Variants in EGFR observed in about 807,000 individuals in gnomAD.
EGFR encodes the protein epidermal growth factor receptor, also known as avian erythroblastic leukemia viral (v-erb-b) oncogene homolog.
In EGFR, 58 loss-of-function variants were observed where a neutral mutation model predicts 143.0. The observed-to-expected ratio is 0.41, with a 90% CI of 0.33 to 0.50. The LOEUF is 0.50. Among genes scored for constraint, EGFR ranks in the 20% least tolerant of loss-of-function variants. The pLI is 0.39. For missense variants in EGFR, 1,307 were observed against 1,579.0 expected, an observed-to-expected ratio of 0.83 and a Z score of 2.92; for synonymous variants, 613 against 594.4, an observed-to-expected ratio of 1.03 and a Z score of -0.45.
chr7:55,139,668 G>T (rs1794347452), intron 1 of EGFR, among the ~76,000 whole-genome samples: 1 of 152,172 alleles, frequency 6.6e-6, no homozygotes, highest in Non-Finnish European at 1.5e-5. Flanking sequence ...GTATAGACAT[G>T]TTGGGTAATT....
rs368892932 is a variant in EGFR at position 55,205,438 on chromosome 7, G to T, written c.3454G>T (p.Asp1152Tyr). The T allele has an allele frequency of 1.2e-6, 2 of 1,614,062 alleles. No homozygotes were observed. Among genetic ancestry groups the T allele is most frequent in the Non-Finnish European group, 1.7e-6 (2 of 1,180,022 alleles). ...GCCCACCTGTGTCAACAGCACATTCGACAGCCCTGCCCACTGGGCCCAGAA... is the reference window on the plus strand; with the variant it reads ...GCCCACCTGTGTCAACAGCACATTCTACAGCCCTGCCCACTGGGCCCAGAA... ...VQPTCVNSTF[D>Y]SPAHWAQKGS... Residue 1152 changes from aspartate to tyrosine, a missense_variant, in exon 28 of 28, where the codon GAC becomes TAC. Asp to Tyr is a radical substitution (Grantham distance 160). Around this residue, in one of 7 missense-constraint regions of EGFR, gnomAD observed 313 missense variants for 312.3 expected, o/e 1.00. Coordinates refer to ENST00000275493, the MANE Select transcript of EGFR (RefSeq NM_005228.5).
chr7:55,023,665 A>AAC (rs1327342318), intron 1 of EGFR, among the ~76,000 whole-genome samples: 1 of 151,858 alleles, frequency 6.6e-6, no homozygotes, highest in African/African-American at 2.4e-5. Flanking sequence ...AAAAAAAAAA[A>AAC]AAAACAGATT....
intron 1 of EGFR, among the ~76,000 whole-genome samples, chr7:55,039,499 G>A (rs564119484): frequency 3.0e-4 from 45 of 152,124 alleles, no homozygotes; most frequent in Non-Finnish European, 5.4e-4. Flanking sequence ...GATGAGAAAA[G>A]GTGGTGAAAG....
rs1447176163 is a variant in EGFR, at chr7:55,152,633, G to C, written c.716G>C (p.Gly239Ala). The part of the protein sequence containing the change: ...SDCCHNQCAA[G>A]CTGPRESDCL... ...TGCTGCCACAACCAGTGTGCTGCAG[G>C]CTGCACAGGCCCCCGGGAGAGCGAC... Residue 239 changes from glycine (G) to alanine (A), a missense_variant, in exon 6 of 28, where the codon GGC becomes GCC. Transcript: ENST00000275493. 15 of 1,613,820 alleles carry C rather than the reference G, an allele frequency of 9.3e-6. No individual in the cohort carries two copies. In the East Asian group the frequency reaches 3.1e-4, roughly 34 times the overall value.
chr7:55,153,312 C>T (rs1785249771), intron 6 of EGFR, among the ~76,000 whole-genome samples: 1 of 152,258 alleles, frequency 6.6e-6, no homozygotes, highest in African/African-American at 2.4e-5. Flanking sequence ...CTGGAGGGTA[C>T]AGGTCAGAAG....
At chr7:55,025,000 G>A (rs1283783769) in intron 1 of EGFR, among the ~76,000 whole-genome samples, 1 of 152,206 alleles carries the variant, frequency 6.6e-6, no homozygotes, top group East Asian at 1.9e-4. Flanking sequence ...AGAATAGGAT[G>A]TGCAGGGCAT....
chr7:55,024,353 T>C (rs987737649), intron 1 of EGFR, among the ~76,000 whole-genome samples: 1 of 152,230 alleles, frequency 6.6e-6, no homozygotes, highest in Non-Finnish European at 1.5e-5. Context: ...TAGCAAGCAG[T>C]ATGGAAACAC....
intron 1 of EGFR, among the ~76,000 whole-genome samples, chr7:55,076,370 C>T (rs1046150121): frequency 6.6e-6 from 1 of 152,102 alleles, no homozygotes; most frequent in Non-Finnish European, 1.5e-5. Flanking sequence ...GTTTTATTAT[C>T]AAGACTCAAG....
At chr7:55,192,013 G>A (rs2128965024) in intron 21 of EGFR, 139 bp downstream of exon 21, 3 of 1,316,938 alleles carry the variant, frequency 2.3e-6, no homozygotes, top group Non-Finnish European at 3.2e-6. Flanking sequence ...AGCTGCTGCT[G>A]GCAGCTGGGT....
Position 55,202,501 on chromosome 7 carries a change from T to G in EGFR, c.3163-16T>G, listed in dbSNP as rs1431585569. ...CAGCCCTGACCGGAGTAACCTTCCC[T>G]CATTTCCTCCTGCAGCTGCAAAGCT... is the stretch of plus-strand genomic sequence containing the variant. On this transcript the variant is annotated splice_polypyrimidine_tract_variant and intron_variant, in intron 26 of 27. Coordinates refer to ENST00000275493, the MANE Select transcript of EGFR (RefSeq NM_005228.5). 1 of 1,591,416 alleles carries G rather than the reference T, an allele frequency of 6.3e-7. No individual in the cohort carries two copies. The highest frequency in any genetic ancestry group is 1.1e-5 in the South Asian group (1 of 87,818).
At chr7:55,166,688 GTGGTGA>G (rs1179139113) in intron 15 of EGFR, among the ~76,000 whole-genome samples, 10 of 100,452 alleles carry the variant, frequency 1.0e-4, no homozygotes, top group South Asian at 3.2e-4. Context: ...CACAATGGTG[GTGGTGA>G]TGGTGTTGAT....
chr7:55,086,890 C>T (rs1790795978), intron 1 of EGFR, among the ~76,000 whole-genome samples: 1 of 152,244 alleles, frequency 6.6e-6, no homozygotes, highest in South Asian at 2.1e-4. Context: ...CTCTCTCCCT[C>T]ACGCTCTGCA....
intron 22 of EGFR, among the ~76,000 whole-genome samples, chr7:55,196,174 TGGG>T (rs1787603731): frequency 7.3e-6 from 1 of 137,322 alleles, no homozygotes. Context: ...CAGCATGTGT[TGGG>T]ATTTTTTTTT....
chr7:55,205,099 C>G (rs1788056862), intron 27 of EGFR, among the ~76,000 whole-genome samples, 157 bp from the exon 28 acceptor site: 1 of 152,200 alleles, frequency 6.6e-6, no homozygotes, highest in Non-Finnish European at 1.5e-5. Context: ...AAAGAACCCA[C>G]TTTCTTTTGC....
intron 1 of EGFR, chr7:55,109,914 C>CT: frequency 1.8e-5 from 18 of 985,474 alleles, no homozygotes; most frequent in Non-Finnish European, 2.2e-5. Flanking sequence ...GGGTTCCCTC[C>CT]GGCAGGCGAC....
chr7:55,204,893 CAT>C (rs1186933046), intron 27 of EGFR, among the ~76,000 whole-genome samples: 11 of 149,772 alleles, frequency 7.3e-5, no homozygotes, highest in Admixed American at 1.3e-4. Flanking sequence ...ACCACACACA[CAT>C]ACACCACACA....
At chr7:55,179,509 G>T (rs1477677736) in intron 19 of EGFR, among the ~76,000 whole-genome samples, 2 of 152,194 alleles carry the variant, frequency 1.3e-5, no homozygotes, top group East Asian at 3.8e-4. Flanking sequence ...GTTCTCCCGT[G>T]GGTAAGGGTG....
At chr7:55,148,811 T>C (rs1310191154) in intron 4 of EGFR, among the ~76,000 whole-genome samples, 1 of 152,184 alleles carries the variant, frequency 6.6e-6, no homozygotes, top group Admixed American at 6.5e-5. Context: ...TGACTGGTGC[T>C]TTATGGCTAC....
chr7:55,093,410 A>G (rs1202700544), intron 1 of EGFR, among the ~76,000 whole-genome samples: 3 of 152,212 alleles, frequency 2.0e-5, no homozygotes, highest in East Asian at 1.9e-4. Flanking sequence ...TGGCCAATTT[A>G]TAGCCAAAAA....
Sources: allele counts gnomAD v4.1 joint callset (sites outside exome capture counted in the v4.1 genomes callset), GRCh38; gene constraint gnomAD v4.1.1; regional missense constraint gnomAD v4.1.1; transcripts MANE v1.5; gene names NCBI Gene and HGNC (gene_info 2026-07-23, HGNC 2026-07-21).